Variants in PHF2 observed in about 807,000 individuals in gnomAD.
PHF2 encodes the protein PHD finger protein 2.
In PHF2, 27 loss-of-function variants were observed where a neutral mutation model predicts 120.5. The observed-to-expected ratio is 0.22, with a 90% CI of 0.17 to 0.31. PHF2 has a LOEUF of 0.31. Among genes scored for constraint, PHF2 ranks in the 10% least tolerant of loss-of-function variants. The pLI is 1.00. For missense variants in PHF2, 1,024 were observed against 1,434.8 expected, an observed-to-expected ratio of 0.71 and a Z score of 4.63; for synonymous variants, 568 against 592.5, an observed-to-expected ratio of 0.96 and a Z score of 0.60.
At chr9:93,602,146 G>A (rs1825451190) in intron 1 of PHF2, among the ~76,000 whole-genome samples, 1 of 151,998 alleles carries the variant, frequency 6.6e-6, no homozygotes, top group Non-Finnish European at 1.5e-5. Context: ...GTTCTCTGAA[G>A]GTGGTGGAAC....
chr9:93,653,371 C>G lies in PHF2; in HGVS notation c.789+6C>G, dbSNP rs3750354. 9 of 1,612,312 alleles carry G rather than the reference C, an allele frequency of 5.6e-6. No individual in the cohort carries two copies. The highest frequency in any genetic ancestry group is 6.8e-6 in the Non-Finnish European group (8 of 1,179,534). On this transcript the variant is annotated splice_donor_region_variant and intron_variant, in intron 6 of 21. Coordinates refer to ENST00000359246, the MANE Select transcript of PHF2 (RefSeq NM_005392.4). ...CCTGGTACCACGTGCTCAAGGTGAG[C>G]CACGCCCCTCGGGGCACCTCTGCCT...
chr9:93,646,547 C>T (rs1826263837), intron 4 of PHF2, among the ~76,000 whole-genome samples: 1 of 152,238 alleles, frequency 6.6e-6, no homozygotes, highest in Admixed American at 6.5e-5. Context: ...GCACACTGGC[C>T]TCTCAGTGCT....
intron 7 of PHF2, 145 bp from the exon 8 acceptor site, chr9:93,655,789 A>G: frequency 1.6e-6 from 1 of 627,076 alleles, no homozygotes; most frequent in South Asian, 1.9e-5. Context: ...TGGACAGGGC[A>G]CCAAGGTGTA....
At chr9:93,658,273 G>A (rs1013685565) in intron 10 of PHF2, 37 bp downstream of exon 10, 2 of 1,522,954 alleles carry the variant, frequency 1.3e-6, no homozygotes, top group Admixed American at 1.7e-5. Context: ...GGGCAGGAGA[G>A]CAGTGACAGG....
intron 1 of PHF2, 50 bp downstream of exon 1, chr9:93,576,921 T>A (rs1272312037): frequency 1.2e-6 from 1 of 831,262 alleles, no homozygotes; most frequent in Non-Finnish European, 1.5e-6. Context: ...CCGGCCACCT[T>A]GCCCGACCGA....
intron 20 of PHF2, 145 bp downstream of exon 20, chr9:93,675,934 T>A (rs756795011): frequency 1.6e-6 from 1 of 623,222 alleles, no homozygotes; most frequent in Non-Finnish European, 2.8e-6. Context: ...GACATTTGAT[T>A]AGAGAGTGCC....
At chr9:93,665,655 G>C (rs760496328) in intron 14 of PHF2, 31 bp from the exon 15 acceptor site, 1 of 1,606,982 alleles carries the variant, frequency 6.2e-7, no homozygotes, top group Non-Finnish European at 8.5e-7. Flanking sequence ...GGGCTATGTG[G>C]ATGCTGCTGA....
At chr9:93,657,769 T>G (rs1264778895) in intron 9 of PHF2, among the ~76,000 whole-genome samples, 1 of 152,142 alleles carries the variant, frequency 6.6e-6, no homozygotes, top group Non-Finnish European at 1.5e-5. Flanking sequence ...TGGGAAGAGA[T>G]GCTTGGGGAT....
chr9:93,645,417 C>G (rs534354951), intron 3 of PHF2, among the ~76,000 whole-genome samples: 1 of 152,234 alleles, frequency 6.6e-6, no homozygotes, highest in South Asian at 2.1e-4. Flanking sequence ...TCCCTGCTCC[C>G]CCAAACAGTG....
At chr9:93,649,374 C>CTTTTTTTTTTTTTTTTTTTT (rs752368762) in intron 5 of PHF2, among the ~76,000 whole-genome samples, 162 bp downstream of exon 5, 1 of 105,832 alleles carries the variant, frequency 9.4e-6, no homozygotes, top group African/African-American at 3.8e-5. Context: ...AAATTTTTTC[C>CTTTTTTTTTTTTTTTTTTTT]TTTTTTTTTT....
At chr9:93,675,879 C>A in intron 20 of PHF2, 90 bp downstream of exon 20, 2 of 914,688 alleles carry the variant, frequency 2.2e-6, no homozygotes, top group Non-Finnish European at 3.4e-6. Context: ...TGTTTCTCCA[C>A]CCCATACACA....
chr9:93,577,427 C>G (rs1464982716), intron 1 of PHF2, among the ~76,000 whole-genome samples: 1 of 151,980 alleles, frequency 6.6e-6, no homozygotes, highest in Non-Finnish European at 1.5e-5. Flanking sequence ...GAGGTGGCAG[C>G]CGGCGCGCCC....
chr9:93,585,128 C>T (rs1863014742), intron 1 of PHF2, among the ~76,000 whole-genome samples: 1 of 152,234 alleles, frequency 6.6e-6, no homozygotes, highest in Admixed American at 6.5e-5. Context: ...GCTGCCCACC[C>T]CTGGCATGCT....
intron 1 of PHF2, among the ~76,000 whole-genome samples, chr9:93,625,233 T>C (rs562089522): frequency 2.0e-5 from 3 of 152,342 alleles, no homozygotes; most frequent in Admixed American, 2.0e-4. Context: ...CATACAGCAT[T>C]AGTCCTCATG....
intron 12 of PHF2, among the ~76,000 whole-genome samples, chr9:93,661,549 A>G (rs1415260885): frequency 3.3e-5 from 5 of 152,160 alleles, no homozygotes; most frequent in African/African-American, 4.8e-5. Flanking sequence ...ATAGATGGCT[A>G]CATGAACGAA....
intron 1 of PHF2, among the ~76,000 whole-genome samples, chr9:93,613,211 T>C (rs1825666600): frequency 6.6e-6 from 1 of 152,206 alleles, no homozygotes; most frequent in Non-Finnish European, 1.5e-5. Flanking sequence ...AGCAAATATA[T>C]TCTAGAAATG....
chr9:93,655,276 GT>G (rs71364388), intron 7 of PHF2, among the ~76,000 whole-genome samples: 200 of 143,758 alleles, frequency 1.4e-3, no homozygotes, highest in Non-Finnish European at 1.9e-3. Context: ...TATAGGGTTG[GT>G]TTTTTTTTTT....
chr9:93,677,415 C>T lies in PHF2; in HGVS notation c.3203-173C>T, dbSNP rs1005569614. On this transcript the variant is annotated intron_variant, in intron 21 of 21. Transcript: ENST00000359246. This position sits in a 1 kb window ranked among gnomAD's most constrained non-coding sequence, Gnocchi z 4.4. ...GAGGCGGAGGCTTTGCCAGTGATCC[C>T]AGACTCCTGAAGGGTGCTGAGCTCG... is the stretch of plus-strand genomic sequence containing the variant. 6.6e-6 allele frequency among the ~76,000 whole-genome samples: 1 copy of T among 151,866 alleles called. No homozygotes were observed. Among genetic ancestry groups the T allele is most frequent in the Non-Finnish European group, 1.5e-5 (1 of 67,980 alleles).
intron 1 of PHF2, among the ~76,000 whole-genome samples, chr9:93,604,771 G>T (rs1825509220): frequency 6.6e-6 from 1 of 152,104 alleles, no homozygotes; most frequent in Admixed American, 6.5e-5. Context: ...ATATTCTAGT[G>T]CTCATCCATT....
Sources: gnomAD v4.1 joint callset for allele counts (sites outside exome capture counted in the v4.1 genomes callset) on GRCh38, gnomAD v4.1.1 for gene constraint, Gnocchi (gnomAD v3.1) non-coding constraint, MANE v1.5 for transcripts, NCBI Gene and HGNC (gene_info 2026-07-23, HGNC 2026-07-21) for gene names.